PGCKA1: variants seen among roughly 807,000 people sequenced by gnomAD.
PGCKA1 encodes the protein PDCD10 and GCKIII kinases associated 1.
At chr4:37,586,027 ATCTTTT>A in the PGCKA1 span, among the ~76,000 whole-genome samples, 2 of 151,436 alleles carry the variant, frequency 1.3e-5, no homozygotes, top group Non-Finnish European at 2.9e-5. Flanking sequence ...CTAGACCTCC[ATCTTTT>A]TCTTTTTGGG....
the PGCKA1 span, among the ~76,000 whole-genome samples, chr4:37,494,918 T>C: frequency 6.6e-6 from 1 of 152,132 alleles, no homozygotes; most frequent in African/African-American, 2.4e-5. Context: ...GGTGAACATA[T>C]GTCTTCTTTG....
chr4:37,574,252 A>G, the PGCKA1 span, among the ~76,000 whole-genome samples: 1 of 151,818 alleles, frequency 6.6e-6, no homozygotes, highest in South Asian at 2.1e-4. Flanking sequence ...TTTGTTTAGC[A>G]TACCTTTGAT....
the PGCKA1 span, among the ~76,000 whole-genome samples, chr4:37,564,714 C>G: frequency 2.0e-5 from 3 of 152,054 alleles, no homozygotes; most frequent in African/African-American, 7.2e-5. Flanking sequence ...ACCAAGTTGG[C>G]CAGGCTGGTC....
the PGCKA1 span, among the ~76,000 whole-genome samples, chr4:37,514,420 A>C: frequency 1.3e-5 from 2 of 152,216 alleles, no homozygotes; most frequent in Non-Finnish European, 2.9e-5. Context: ...TTTTAAGATG[A>C]TATATCTTAA....
At chr4:37,492,565 G>A in the PGCKA1 span, among the ~76,000 whole-genome samples, 1 of 152,174 alleles carries the variant, frequency 6.6e-6, no homozygotes, top group Non-Finnish European at 1.5e-5. The surrounding 1 kb of genome is among the most constrained non-coding windows in gnomAD (Gnocchi z 4.7). Context: ...GAAGGATGAA[G>A]GTGAAAAGGA....
the PGCKA1 span, among the ~76,000 whole-genome samples, chr4:37,471,678 A>G: frequency 2.6e-5 from 4 of 152,182 alleles, no homozygotes; most frequent in Non-Finnish European, 4.4e-5. Context: ...ATATCCTTAA[A>G]TGGGATCCTG....
the PGCKA1 span, among the ~76,000 whole-genome samples, chr4:37,488,909 T>A: frequency 9.2e-5 from 14 of 152,300 alleles, no homozygotes; most frequent in South Asian, 2.9e-3. Context: ...GGTCCACTTA[T>A]AAGTGGGTTT....
the PGCKA1 span, among the ~76,000 whole-genome samples, chr4:37,519,239 C>T: frequency 6.6e-6 from 1 of 151,026 alleles, no homozygotes. Context: ...GGATAGCTCT[C>T]GCTATTCTGG....
At chr4:37,590,873 A>G in the PGCKA1 span, 11 of 1,614,244 alleles carry the variant, frequency 6.8e-6, no homozygotes, top group South Asian at 5.5e-5. Flanking sequence ...GGAAACAGGC[A>G]GGAGGATACC....
the PGCKA1 span, among the ~76,000 whole-genome samples, chr4:37,541,650 T>C: frequency 2.6e-5 from 4 of 152,158 alleles, no homozygotes; most frequent in African/African-American, 9.7e-5. Context: ...GTACACCTCA[T>C]GTGAAGGAAC....
the PGCKA1 span, among the ~76,000 whole-genome samples, chr4:37,556,740 G>A: frequency 6.6e-6 from 1 of 152,148 alleles, no homozygotes; most frequent in Non-Finnish European, 1.5e-5. Context: ...GTAGTTCATT[G>A]TAAGCTCTTC....
chr4:37,518,225 C>T, the PGCKA1 span, among the ~76,000 whole-genome samples: 3 of 152,288 alleles, frequency 2.0e-5, no homozygotes, highest in East Asian at 5.8e-4. Context: ...AACAGTGCTG[C>T]AACAAACAGG....
chr4:37,533,621 A>G, the PGCKA1 span, among the ~76,000 whole-genome samples: 1 of 152,208 alleles, frequency 6.6e-6, no homozygotes, highest in African/African-American at 2.4e-5. Flanking sequence ...TATTTCTAAC[A>G]CTTGTTAATA....
the PGCKA1 span, among the ~76,000 whole-genome samples, chr4:37,502,819 G>A: frequency 6.6e-6 from 1 of 152,054 alleles, no homozygotes; most frequent in Non-Finnish European, 1.5e-5. Context: ...CACCAACACA[G>A]GAGCTATGAT....
At chr4:37,460,559 G>A in the PGCKA1 span, 1 of 452,750 alleles carries the variant, frequency 2.2e-6, no homozygotes, top group Non-Finnish European at 4.4e-6. Flanking sequence ...ATCTCATTGT[G>A]GTTTTGATTT....
chr4:37,590,930 C>A, the PGCKA1 span: 2 of 1,614,174 alleles, frequency 1.2e-6, no homozygotes, highest in East Asian at 2.2e-5. Flanking sequence ...GACGAGGATG[C>A]AGCGGTGGCG....
the PGCKA1 span, among the ~76,000 whole-genome samples, chr4:37,554,774 G>T: frequency 7.4e-3 from 1,132 of 152,320 alleles, 4 homozygotes; most frequent in Middle Eastern, 0.02. Context: ...TTGGTAAGGA[G>T]GTATGCCAAT....
the PGCKA1 span, among the ~76,000 whole-genome samples, chr4:37,519,254 T>C: frequency 2.6e-5 from 4 of 151,106 alleles, 1 homozygote; most frequent in South Asian, 8.4e-4. Flanking sequence ...TTCTGGGTCT[T>C]TTGTGGTTCC....
chr4:37,480,575 G>C, the PGCKA1 span, among the ~76,000 whole-genome samples: 1 of 152,232 alleles, frequency 6.6e-6, no homozygotes, highest in Non-Finnish European at 1.5e-5. Context: ...CAGACTAAGA[G>C]TATATATTTG....
Sources: allele counts gnomAD v4.1 joint callset (sites outside exome capture counted in the v4.1 genomes callset), GRCh38; gene constraint gnomAD v4.1.1; non-coding constraint Gnocchi (gnomAD v3.1); transcripts MANE v1.5; gene names NCBI Gene and HGNC (gene_info 2026-07-23, HGNC 2026-07-21).